Variants in SELENOF observed in about 807,000 individuals in gnomAD.
SELENOF encodes selenoprotein F, also known as 15 kDa selenoprotein.
Under a neutral mutation model 20.5 loss-of-function variants are expected in SELENOF, and 16 were observed. The observed-to-expected ratio is 0.78, with a 90% confidence interval of 0.53 to 1.19. The LOEUF is 1.19. Ranked by LOEUF, SELENOF falls within the 50% of genes most tolerant of loss-of-function variation. SELENOF has a pLI of 0.00. For missense variants in SELENOF, 215 were observed against 194.2 expected (o/e 1.11, Z -0.64); for synonymous variants, 78 against 74.5 (o/e 1.05, Z -0.24).
chr1:86,903,161 T>C (rs913246053), intron 2 of SELENOF, 120 bp downstream of exon 2: 159 of 852,382 alleles, frequency 1.9e-4, no homozygotes, highest in Non-Finnish European at 2.6e-4. Flanking sequence ...ATCAGTTGAG[T>C]TTTACTAAAA....
At chr1:86,869,785 C>T (rs797939) in intron 3 of SELENOF, among the ~76,000 whole-genome samples, 17,396 of 151,072 alleles carry the variant, frequency 0.12, 1,610 homozygotes, top group African/African-American at 0.25. Flanking sequence ...GGGTCTCACT[C>T]GGCTGAGCGC....
chr1:86,873,723 A>G (rs1333963469), intron 3 of SELENOF, among the ~76,000 whole-genome samples: 1 of 151,948 alleles, frequency 6.6e-6, no homozygotes, highest in Non-Finnish European at 1.5e-5. Context: ...GTGGTGGTGC[A>G]TGCCTGTAAT....
At chr1:86,900,647 A>AAGGGAG (rs200695192) in intron 2 of SELENOF, among the ~76,000 whole-genome samples, 3,092 of 150,688 alleles carry the variant, frequency 0.021, 115 homozygotes, top group African/African-American at 0.064. Flanking sequence ...ACCGTGGGGA[A>AAGGGAG]AGGGAGAGGG....
intron 1 of SELENOF, among the ~76,000 whole-genome samples, chr1:86,908,985 A>G (rs1193637003): frequency 6.6e-6 from 1 of 152,244 alleles, no homozygotes; most frequent in Non-Finnish European, 1.5e-5. Context: ...TATTCAGAGG[A>G]GTAGACAGTG....
At chr1:86,869,025 T>A (rs890609438) in intron 3 of SELENOF, among the ~76,000 whole-genome samples, 5 of 152,282 alleles carry the variant, frequency 3.3e-5, no homozygotes, top group Non-Finnish European at 5.9e-5. Flanking sequence ...TCACATATAA[T>A]TGAAGAAATG....
chr1:86,885,022 T>C (rs1202226972), intron 2 of SELENOF, among the ~76,000 whole-genome samples: 2 of 152,244 alleles, frequency 1.3e-5, no homozygotes, highest in African/African-American at 4.8e-5. Flanking sequence ...CTATCACTAA[T>C]GTGCCTTAGT....
At chr1:86,908,943 C>T (rs560439881) in intron 1 of SELENOF, among the ~76,000 whole-genome samples, 39 of 152,270 alleles carry the variant, frequency 2.6e-4, no homozygotes, top group African/African-American at 7.9e-4. Context: ...GAAATATTGA[C>T]AAATATGCAG....
At chr1:86,867,073 T>G (rs889372696) in intron 4 of SELENOF, among the ~76,000 whole-genome samples, 4 of 152,150 alleles carry the variant, frequency 2.6e-5, no homozygotes, top group African/African-American at 9.7e-5. Context: ...CACAGGTGAA[T>G]GACAAAACTG....
intron 2 of SELENOF, among the ~76,000 whole-genome samples, chr1:86,883,020 G>A (rs1557460361): frequency 6.6e-6 from 1 of 151,914 alleles, no homozygotes; most frequent in Non-Finnish European, 1.5e-5. Flanking sequence ...CAGCTGCTTG[G>A]GAGGCAGAGG....
Position 86,864,767 on chromosome 1 carries a change from G to C in SELENOF, c.367-1162C>G, listed in dbSNP as rs146283369. Among the ~76,000 whole-genome samples the C allele has an allele frequency of 9.2e-3, 1,393 of 151,764 alleles. 20 individuals are homozygous for C. The highest frequency in any genetic ancestry group is 0.033 in the African/African-American group (1,350 of 41,318). On this transcript the variant is annotated intron_variant, in intron 4 of 4. Transcript: ENST00000331835. ...TTCTCCTGCCTCAGCCTCCCGAGTAGCTGGGATTACAGGCCCCTGCTACCA... is the reference window on the plus strand; with the variant it reads ...TTCTCCTGCCTCAGCCTCCCGAGTACCTGGGATTACAGGCCCCTGCTACCA...
chr1:86,883,472 G>A (rs562657702), intron 2 of SELENOF, among the ~76,000 whole-genome samples: 1 of 151,430 alleles, frequency 6.6e-6, no homozygotes, highest in African/African-American at 2.4e-5. Flanking sequence ...TATAGTGTAT[G>A]TACACTAGTG....
At chr1:86,896,436 C>T (rs1183118255) in intron 2 of SELENOF, among the ~76,000 whole-genome samples, 3 of 151,892 alleles carry the variant, frequency 2.0e-5, no homozygotes, top group African/African-American at 7.3e-5. Context: ...GAAAAATAAC[C>T]CACTTATTTA....
intron 4 of SELENOF, among the ~76,000 whole-genome samples, chr1:86,864,043 G>T (rs1658532196): frequency 6.6e-6 from 1 of 152,206 alleles, no homozygotes. Flanking sequence ...AAATTAACAA[G>T]TATGTAATGC....
chr1:86,880,518 GA>G, intron 3 of SELENOF, 143 bp downstream of exon 3: 1 of 498,394 alleles, frequency 2.0e-6, no homozygotes, highest in Non-Finnish European at 3.5e-6. Context: ...CCACTTCCAT[GA>G]AAACAAATTG....
At chr1:86,876,287 T>C (rs1201696846) in intron 3 of SELENOF, among the ~76,000 whole-genome samples, 2 of 152,168 alleles carry the variant, frequency 1.3e-5, no homozygotes, top group Non-Finnish European at 1.5e-5. Flanking sequence ...GTTTCATGCT[T>C]ATGCCTTTGC....
At chr1:86,912,823 A>G (rs1048516723) in intron 1 of SELENOF, among the ~76,000 whole-genome samples, 3 of 152,156 alleles carry the variant, frequency 2.0e-5, no homozygotes, top group Admixed American at 1.3e-4. Flanking sequence ...CTGACCCAGA[A>G]TTATGAGAAA....
chr1:86,883,380 G>A (rs931681517), intron 2 of SELENOF, among the ~76,000 whole-genome samples: 11 of 151,932 alleles, frequency 7.2e-5, no homozygotes, highest in African/African-American at 2.2e-4. Context: ...ACAACAATGC[G>A]AATGTACTTA....
chr1:86,866,909 A>G (rs922581621), intron 4 of SELENOF, among the ~76,000 whole-genome samples: 1 of 152,222 alleles, frequency 6.6e-6, no homozygotes, highest in East Asian at 1.9e-4. Flanking sequence ...GTTTCTTACA[A>G]AGTTAAACAA....
At chr1:86,887,127 T>G in intron 2 of SELENOF, 1 of 1,519,440 alleles carries the variant, frequency 6.6e-7, no homozygotes, top group Non-Finnish European at 8.8e-7. Context: ...TTCCCCATAC[T>G]TTCTGATTAA....
Sources: allele counts gnomAD v4.1 joint callset (sites outside exome capture counted in the v4.1 genomes callset), GRCh38; gene constraint gnomAD v4.1.1; transcripts MANE v1.5; gene names NCBI Gene and HGNC (gene_info 2026-07-23, HGNC 2026-07-21).